VPS35L: variants seen among roughly 807,000 people sequenced by gnomAD.
The protein encoded by VPS35L is VPS35 endosomal protein sorting factor like.
A neutral mutation model predicts 133.0 loss-of-function variants in VPS35L; 83 were observed. The ratio of observed to expected loss-of-function variants is 0.62; its 90% CI spans 0.52 to 0.75. VPS35L has a LOEUF of 0.75. Ranked by LOEUF, VPS35L falls within the 30% of genes least tolerant of loss-of-function variation. VPS35L has a pLI of 0.00. For missense variants in VPS35L, 1,083 were observed against 1,206.8 expected (o/e 0.90, Z 1.52); for synonymous variants, 423 against 449.9 (o/e 0.94, Z 0.76).
chr16:19,590,291 C>T (rs75157305), intron 7 of VPS35L, among the ~76,000 whole-genome samples: 1 of 152,106 alleles, frequency 6.6e-6, no homozygotes, highest in Non-Finnish European at 1.5e-5. Context: ...ACTGAAAACA[C>T]ATGTCAACCT....
At chr16:19,649,787 A>C (rs1597394553) in intron 24 of VPS35L, among the ~76,000 whole-genome samples, 1 of 152,208 alleles carries the variant, frequency 6.6e-6, no homozygotes, top group African/African-American at 2.4e-5. Context: ...CTGGTTAGCA[A>C]GTTATTTAGC....
intron 28 of VPS35L, among the ~76,000 whole-genome samples, chr16:19,685,335 C>T (rs1975420122): frequency 6.6e-6 from 1 of 152,180 alleles, no homozygotes; most frequent in Admixed American, 6.5e-5. Context: ...GCATGATGTC[C>T]AAGATTCATC....
intron 9 of VPS35L, among the ~76,000 whole-genome samples, chr16:19,603,384 C>A (rs1972446594): frequency 6.6e-6 from 1 of 152,104 alleles, no homozygotes; most frequent in African/African-American, 2.4e-5. Flanking sequence ...AAAAAAGACA[C>A]CGGATTTCAA....
chr16:19,644,803 A>C, intron 22 of VPS35L, 83 bp from the exon 23 acceptor site: 1 of 968,472 alleles, frequency 1.0e-6, no homozygotes, highest in Non-Finnish European at 1.5e-6. Flanking sequence ...TACCTGTTAA[A>C]TTACTTACCC....
chr16:19,632,903 G>A (rs1973501940), intron 18 of VPS35L, among the ~76,000 whole-genome samples, 189 bp from the exon 19 acceptor site: 1 of 152,218 alleles, frequency 6.6e-6, no homozygotes, highest in African/African-American at 2.4e-5. Flanking sequence ...ACTAGGTGTG[G>A]GGCTGTGGTA....
At chr16:19,580,146 C>T (rs1174518374) in intron 6 of VPS35L, among the ~76,000 whole-genome samples, 1 of 151,936 alleles carries the variant, frequency 6.6e-6, no homozygotes, top group Non-Finnish European at 1.5e-5. Context: ...GTTGAGATCG[C>T]TCTGTCACCC....
Position 19,633,274 on chromosome 16 carries a change from GT to G in VPS35L, c.1635+103del. 2.8e-6 allele frequency: 3 copies of G among 1,057,478 alleles called. No individual in the cohort carries two copies. The highest frequency in any genetic ancestry group is 2.9e-6 in the Non-Finnish European group (2 of 687,344). The allele number at this position is 1,057,478 out of a possible 1,614,324, so 65.5% of individuals were successfully genotyped here. On this transcript the variant is annotated intron_variant, in intron 19 of 30. Transcript: ENST00000417362. The surrounding 1 kb of genome is among the most constrained non-coding windows in gnomAD (Gnocchi z 4.1). ...TCAGGCTATAAAGGCACATAATCCT[GT>G]GTTTGAATCATAGCTCTGCCATATC...
At chr16:19,650,661 T>C (rs1013409302) in intron 25 of VPS35L, among the ~76,000 whole-genome samples, 1 of 152,216 alleles carries the variant, frequency 6.6e-6, no homozygotes, top group Non-Finnish European at 1.5e-5. Context: ...TAAATGAGTC[T>C]GAATTTTAAT....
chr16:19,627,553 C>G, intron 15 of VPS35L, 141 bp from the exon 16 acceptor site: 1 of 654,326 alleles, frequency 1.5e-6, no homozygotes, highest in Non-Finnish European at 2.7e-6. Flanking sequence ...TCCAGTTTAC[C>G]TTTTTACTCT....
chr16:19,627,743 G>T lies in VPS35L; in HGVS notation c.1321G>T (p.Ala441Ser), dbSNP rs147513363. Residue 441 changes from alanine to serine, a missense_variant, in exon 16 of 31, where the codon GCC becomes TCC. Physicochemically the swap from Ala to Ser is moderately conservative, Grantham distance 99. Coordinates refer to ENST00000417362, the MANE Select transcript of VPS35L (RefSeq NM_020314.7). The part of the protein sequence containing the change: ...VMSAFRAEFI[A>S]TRSMDFIGMI... ...GTCTGCCTTCCGGGCTGAGTTCATC[G>T]CCACAAGGTCTATGGATTTCATTGG... is the stretch of plus-strand genomic sequence containing the variant. 2 of 1,613,930 alleles carry T rather than the reference G, an allele frequency of 1.2e-6. No homozygotes were observed. Among genetic ancestry groups the T allele is most frequent in the African/African-American group, 1.3e-5 (1 of 74,908 alleles).
chr16:19,601,316 A>G (rs1972375585), intron 8 of VPS35L, among the ~76,000 whole-genome samples: 3 of 152,266 alleles, frequency 2.0e-5, no homozygotes, highest in Admixed American at 2.0e-4. Context: ...GCCATGCACA[A>G]CTGGTCACAG....
Position 19,700,560 on chromosome 16 carries a change from T to G in VPS35L, c.*84T>G, listed in dbSNP as rs1976095572. 8.6e-6 allele frequency: 10 copies of G among 1,166,344 alleles called. No homozygotes were observed. The East Asian group carries it at 2.4e-4, about 27-fold the overall frequency. 72.2% of individuals were successfully genotyped at this position (1,166,344 alleles called of 1,614,324 possible). ...TGCTGCCCTGAACTCTTACGGCAAT[T>G]TAGGTTTCTCATTTTTCTTTTCTTT... On this transcript the variant is annotated 3_prime_UTR_variant, in exon 31 of 31. Transcript: ENST00000417362.
rs746321817 is a variant in VPS35L at position 19,627,779 on chromosome 16, G to A, written c.1357G>A (p.Glu453Lys). 28 of 1,613,272 alleles carry A rather than the reference G, an allele frequency of 1.7e-5. No homozygotes were observed. Among genetic ancestry groups the A allele is most frequent in the Middle Eastern group, 1.6e-4 (1 of 6,084 alleles). The change falls in exon 16 of 31, where the codon GAG (glutamate) becomes AAG (lysine). Residue 453 changes from glutamate (E) to lysine (K), a missense_variant. Physicochemically the swap from Glu to Lys is moderately conservative, Grantham distance 56. Transcript: ENST00000417362. Reference protein sequence around the residue: ...RSMDFIGMIKECDESGFPKHL... With the variant: ...RSMDFIGMIKKCDESGFPKHL... ...TATGGATTTCATTGGCATGATTAAA[G>A]AGTGTGATGAATCTGGTTTCCCCAA... is the stretch of plus-strand genomic sequence containing the variant.
intron 26 of VPS35L, chr16:19,652,755 TGTG>T (rs1974174850): frequency 1.3e-5 from 2 of 152,258 alleles, no homozygotes; most frequent in Admixed American, 1.3e-4. Flanking sequence ...TTGTTGTTGT[TGTG>T]GATGTTTGTG....
Position 19,633,790 on chromosome 16 carries a change from T to C in VPS35L, c.1635+618T>C, listed in dbSNP as rs1255041395. ...TCTTGCTCTGTTGCCCAGGCTGGAG[T>C]GCAGTGGTGCGATCTTGGCTCATTG... On this transcript the variant is annotated intron_variant, in intron 19 of 30. Transcript: ENST00000417362. This position sits in a 1 kb window ranked among gnomAD's most constrained non-coding sequence, Gnocchi z 4.1. Among the ~76,000 whole-genome samples the C allele has an allele frequency of 6.6e-6, 1 of 152,164 alleles. No individual in the cohort carries two copies. Among genetic ancestry groups the C allele is most frequent in the African/African-American group, 2.4e-5 (1 of 41,438 alleles).
intron 7 of VPS35L, chr16:19,581,960 C>A: frequency 3.5e-6 from 1 of 285,794 alleles, no homozygotes; most frequent in Non-Finnish European, 6.5e-6. Context: ...TGGTGCAACC[C>A]CTGACACATT....
intron 29 of VPS35L, among the ~76,000 whole-genome samples, chr16:19,693,194 A>T (rs1975759840): frequency 1.3e-5 from 2 of 151,820 alleles, no homozygotes; most frequent in Admixed American, 6.6e-5. Flanking sequence ...CTTCAGGAAA[A>T]CTGGTTTATC....
In VPS35L at chr16:19,602,850, C is replaced by T. The variant is rs548175045; in HGVS notation, c.784+1127C>T. Among the ~76,000 whole-genome samples, 13 of 151,998 alleles carry T rather than the reference C, an allele frequency of 8.6e-5. No individual in the cohort carries two copies. In the South Asian group the frequency reaches 1.0e-3, roughly 12 times the overall value. The stretch of plus-strand genomic sequence containing the variant: ...AACTCCTGACCTCAAGTGATTCATC[C>T]GCCTCGGCCTCCCAAAGTGCTGGGA... On this transcript the variant is annotated intron_variant, in intron 9 of 30. Transcript: ENST00000417362.
chr16:19,608,222 T>TG lies in VPS35L; in HGVS notation c.830dup (p.Cys277TrpfsTer28), dbSNP rs1972596669. On this transcript the variant is annotated frameshift_variant, in exon 10 of 31. Transcript: ENST00000417362. LOFTEE classifies it high-confidence loss of function. The stretch of plus-strand genomic sequence containing the variant: ...TGCAAATGACACGGCCAAGGAAACA[T>TG]GCCTAAATTGGTTTTTCAAGATTGC... 1.9e-6 allele frequency: 3 copies of TG among 1,613,714 alleles called. No individual in the cohort carries two copies. The East Asian group carries it at 6.7e-5, about 36-fold the overall frequency.
Sources: gnomAD v4.1 joint callset for allele counts (sites outside exome capture counted in the v4.1 genomes callset) on GRCh38, gnomAD v4.1.1 for gene constraint, Gnocchi (gnomAD v3.1) non-coding constraint, MANE v1.5 for transcripts, NCBI Gene and HGNC (gene_info 2026-07-23, HGNC 2026-07-21) for gene names.